Variants in TBC1D7 observed in about 807,000 individuals in gnomAD.
The protein encoded by TBC1D7 is TBC1 domain family member 7.
In TBC1D7, 33 loss-of-function variants were observed where a neutral mutation model predicts 35.3. That is an observed-to-expected ratio of 0.93 (90% CI 0.71 to 1.25). The LOEUF (loss-of-function observed/expected upper bound fraction) is 1.25. Among genes scored for constraint, TBC1D7 ranks in the 50% most tolerant of loss-of-function variants. The probability of loss-of-function intolerance (pLI) is 0.00; values close to 1 mark genes in which losing one functional copy is unlikely to be tolerated. For missense variants in TBC1D7, 362 were observed against 365.3 expected, an observed-to-expected ratio of 0.99 and a Z score of 0.07; for synonymous variants, 135 against 129.5, an observed-to-expected ratio of 1.04 and a Z score of -0.29.
At chr6:13,320,669 C>A (rs191305239) in intron 4 of TBC1D7, 22 of 645,556 alleles carry the variant, frequency 3.4e-5, no homozygotes, top group Admixed American at 2.6e-4. Flanking sequence ...AGTATTCTTG[C>A]AACTTTTCTG....
chr6:13,315,256 C>A (rs1215709822), intron 5 of TBC1D7, among the ~76,000 whole-genome samples: 1 of 152,204 alleles, frequency 6.6e-6, no homozygotes, highest in Non-Finnish European at 1.5e-5. Flanking sequence ...TCCCTCCCTC[C>A]TCCTGCTCAG....
intron 5 of TBC1D7, 68 bp downstream of exon 5, chr6:13,316,503 G>A (rs1249322981): frequency 3.9e-6 from 6 of 1,527,026 alleles, no homozygotes; most frequent in African/African-American, 2.8e-5. Flanking sequence ...GGAGGTAAGA[G>A]CACTCCCTGA....
chr6:13,309,190 C>T (rs1436878265), intron 5 of TBC1D7, among the ~76,000 whole-genome samples: 1 of 152,214 alleles, frequency 6.6e-6, no homozygotes, highest in African/African-American at 2.4e-5. Context: ...GGGATATATG[C>T]ACTTTTTTCC....
chr6:13,324,420 G>A (rs962163910), intron 3 of TBC1D7, among the ~76,000 whole-genome samples: 10 of 152,084 alleles, frequency 6.6e-5, no homozygotes, highest in African/African-American at 9.7e-5. Flanking sequence ...GAGCCACCGC[G>A]CCCAGCCAAA....
intron 5 of TBC1D7, among the ~76,000 whole-genome samples, chr6:13,316,189 T>C (rs1286769649): frequency 6.6e-6 from 1 of 152,240 alleles, no homozygotes; most frequent in African/African-American, 2.4e-5. Flanking sequence ...TCCCATTATA[T>C]GCAGCCAAAT....
intron 5 of TBC1D7, among the ~76,000 whole-genome samples, chr6:13,312,641 G>C (rs1483565939): frequency 6.7e-6 from 1 of 150,254 alleles, no homozygotes; most frequent in Admixed American, 6.6e-5. Context: ...GCAGTGAGCT[G>C]AGATCGCACC....
intron 4 of TBC1D7, 75 bp downstream of exon 4, chr6:13,320,833 C>G: frequency 6.8e-7 from 1 of 1,460,940 alleles, no homozygotes; most frequent in Non-Finnish European, 9.6e-7. Flanking sequence ...TAAGGCAAAA[C>G]ATGATGTAAT....
chr6:13,317,257 G>T (rs1225464183), intron 4 of TBC1D7, among the ~76,000 whole-genome samples: 1 of 152,136 alleles, frequency 6.6e-6, no homozygotes, highest in African/African-American at 2.4e-5. Flanking sequence ...GGAATCAAAA[G>T]AATGGCATTT....
intron 3 of TBC1D7, among the ~76,000 whole-genome samples, chr6:13,321,567 T>C (rs2127539937): frequency 6.6e-6 from 1 of 152,324 alleles, no homozygotes; most frequent in East Asian, 1.9e-4. Flanking sequence ...ATCCTCCAGG[T>C]CACAAAAGTC....
intron 2 of TBC1D7, among the ~76,000 whole-genome samples, chr6:13,325,681 A>G (rs1313356707): frequency 1.3e-5 from 2 of 152,226 alleles, no homozygotes; most frequent in East Asian, 3.8e-4. Context: ...ATAAAAATAA[A>G]AACAATTTGC....
intron 6 of TBC1D7, chr6:13,307,314 T>C (rs780415339): frequency 1.5e-5 from 4 of 270,974 alleles, no homozygotes; most frequent in African/African-American, 4.4e-5. Flanking sequence ...GGAGGAAGAT[T>C]TGTCACATTT....
intron 5 of TBC1D7, among the ~76,000 whole-genome samples, chr6:13,312,608 C>T (rs3001967): frequency 0.29 from 43,663 of 150,816 alleles, 6,546 homozygotes; most frequent in South Asian, 0.46. Context: ...AGAAGAATCC[C>T]TTGAACCCAA....
chr6:13,317,465 T>A (rs919244134), intron 4 of TBC1D7, among the ~76,000 whole-genome samples: 1 of 152,216 alleles, frequency 6.6e-6, no homozygotes, highest in Non-Finnish European at 1.5e-5. Context: ...CTAAGAAGTA[T>A]CACACTTTCC....
intron 5 of TBC1D7, among the ~76,000 whole-genome samples, chr6:13,311,956 A>T (rs1240504265): frequency 2.2e-5 from 3 of 138,640 alleles, no homozygotes; most frequent in Admixed American, 1.5e-4. Context: ...AATATATATA[A>T]AAATGTATTT....
chr6:13,315,606 A>G (rs1783548569), intron 5 of TBC1D7, among the ~76,000 whole-genome samples: 1 of 152,190 alleles, frequency 6.6e-6, no homozygotes, highest in South Asian at 2.1e-4. Flanking sequence ...AATCCCACTT[A>G]CTTGGGAGGC....
chr6:13,327,750 C>T (rs192668024), intron 1 of TBC1D7: 73 of 152,204 alleles, frequency 4.8e-4, no homozygotes, highest in African/African-American at 1.7e-3. Context: ...GGTAATTCAT[C>T]CAAAAAAAGA....
intron 1 of TBC1D7, 177 bp downstream of exon 1, chr6:13,328,119 C>G (rs888951446): frequency 2.0e-5 from 3 of 152,156 alleles, no homozygotes; most frequent in African/African-American, 7.2e-5. Flanking sequence ...ACGATTTGGT[C>G]GGTCCCTGTT....
rs533683296 is a variant in TBC1D7, at chr6:13,307,747, T to G, written c.520-2A>C. ...CAAGTATTGTTCAAACGCTTTTGGC[T>G]AAAGATTAAGCAAGAACAGAGATTA... On this transcript the variant is annotated splice_acceptor_variant, in intron 5 of 7. Coordinates refer to ENST00000379300, the MANE Select transcript of TBC1D7 (RefSeq NM_016495.6). LOFTEE classifies it high-confidence loss of function. 1 of 1,612,924 alleles carries G rather than the reference T, an allele frequency of 6.2e-7. No homozygotes were observed. Among genetic ancestry groups the G allele is most frequent in the Admixed American group, 1.7e-5 (1 of 59,904 alleles).
intron 5 of TBC1D7, among the ~76,000 whole-genome samples, chr6:13,314,156 G>C (rs1010950208): frequency 4.1e-4 from 61 of 149,966 alleles, no homozygotes; most frequent in African/African-American, 1.5e-3. Context: ...AGTGAGCCGA[G>C]ATTGCGCCAC....
Sources: gnomAD v4.1 joint callset for allele counts (sites outside exome capture counted in the v4.1 genomes callset) on GRCh38, gnomAD v4.1.1 for gene constraint, MANE v1.5 for transcripts, NCBI Gene and HGNC (gene_info 2026-07-23, HGNC 2026-07-21) for gene names.